KIF13A: variants seen among roughly 807,000 people sequenced by gnomAD.
The protein encoded by KIF13A is kinesin family member 13A.
A neutral mutation model predicts 212.2 loss-of-function variants in KIF13A; 79 were observed. The observed-to-expected ratio is 0.37, with a 90% CI of 0.31 to 0.45. The LOEUF is 0.45. Among genes scored for constraint, KIF13A ranks in the 20% least tolerant of loss-of-function variants. The pLI is 1.00. For synonymous variants in KIF13A, 789 were observed against 808.6 expected (o/e 0.98, Z 0.41); for missense variants, 1,901 against 2,209.0 (o/e 0.86, Z 2.79).
Position 17,779,631 on chromosome 6 carries a change from G to A in KIF13A, c.3900C>T (p.Ser1300=), listed in dbSNP as rs765286711. Reference sequence around the variant, plus strand: ...ATACTATTTCATAGGTTACACCACAGGAATAAAATATATTTTTCAGGGATA... The same window carrying A: ...ATACTATTTCATAGGTTACACCACAAGAATAAAATATATTTTTCAGGGATA... The part of the protein sequence containing the change: ...RRISLKNIFY[S]CGVTYEIVSN... Residue 1300 remains serine, a synonymous_variant, in exon 32 of 39, where the codon TCC becomes TCT. Coordinates refer to ENST00000259711, the MANE Select transcript of KIF13A (RefSeq NM_022113.6). The A allele has an allele frequency of 5.9e-6, 9 of 1,518,332 alleles. No homozygotes were observed. In the South Asian group the frequency reaches 6.9e-5, roughly 12 times the overall value. The allele number at this position is 1,518,332 out of a possible 1,614,324, so 94.1% of individuals were successfully genotyped here.
chr6:17,851,045 G>GAGC (rs1361175156), intron 7 of KIF13A, among the ~76,000 whole-genome samples: 1 of 152,176 alleles, frequency 6.6e-6, no homozygotes. Flanking sequence ...GATGCAAATA[G>GAGC]AGCACCCTGG....
In KIF13A at chr6:17,837,239, C is replaced by T. The variant is rs1466142173; in HGVS notation, c.943-149G>A. 2 of 775,190 alleles carry T rather than the reference C, an allele frequency of 2.6e-6. No homozygotes were observed. Among genetic ancestry groups the T allele is most frequent in the Non-Finnish European group, 4.2e-6 (2 of 474,442 alleles). The allele number at this position is 775,190 out of a possible 1,614,324, so 48.0% of individuals were successfully genotyped here. On this transcript the variant is annotated intron_variant, in intron 10 of 38. Coordinates refer to ENST00000259711, the MANE Select transcript of KIF13A (RefSeq NM_022113.6). This position sits in a 1 kb window ranked among gnomAD's most constrained non-coding sequence, Gnocchi z 5.4. ...TTGCATTTCACAAATAACGTCATGACAAGATGAAATGTGTCCTCTCTATAT... is the reference window on the plus strand; with the variant it reads ...TTGCATTTCACAAATAACGTCATGATAAGATGAAATGTGTCCTCTCTATAT...
chr6:17,861,009 G>A (rs555772971), intron 4 of KIF13A, among the ~76,000 whole-genome samples: 2 of 152,134 alleles, frequency 1.3e-5, no homozygotes, highest in Admixed American at 6.5e-5. Context: ...ATAAAAACTA[G>A]TCTCTCTGAT....
chr6:17,985,642 GGGGGA>G (rs1781492421), intron 2 of KIF13A, among the ~76,000 whole-genome samples: 1 of 96,174 alleles, frequency 1.0e-5, no homozygotes, highest in African/African-American at 4.5e-5. Flanking sequence ...CGGGGGGGTG[GGGGGA>G]GGGGACATTC....
chr6:17,797,552 A>C (rs1762151218), intron 22 of KIF13A, among the ~76,000 whole-genome samples: 1 of 152,148 alleles, frequency 6.6e-6, no homozygotes, highest in African/African-American at 2.4e-5. Flanking sequence ...GGTTATCTTC[A>C]TGACTTTATG....
chr6:17,788,667 A>C (rs1374960658), intron 26 of KIF13A, among the ~76,000 whole-genome samples: 1 of 152,192 alleles, frequency 6.6e-6, no homozygotes, highest in Non-Finnish European at 1.5e-5. Context: ...TTTAAGACTT[A>C]AGACGTTACA....
rs1273078533 is a variant in KIF13A, at chr6:17,837,388, G to A, written c.942+84C>T. ...CATCAGGAGAGTTCTTTAGGTATTT[G>A]GTTAGCTTTGTACACACCTTTACTC... On this transcript the variant is annotated intron_variant, in intron 10 of 38. Transcript: ENST00000259711. The surrounding 1 kb of genome is among the most constrained non-coding windows in gnomAD (Gnocchi z 5.4). The A allele has an allele frequency of 3.4e-6, 3 of 876,584 alleles. No homozygotes were observed. Among genetic ancestry groups the A allele is most frequent in the Admixed American group, 2.4e-5 (1 of 41,224 alleles). 54.3% of individuals were successfully genotyped at this position (876,584 alleles called of 1,614,324 possible).
chr6:17,984,585 GTTTTT>G lies in KIF13A; in HGVS notation c.146+2464_146+2468del. 1 of 828,160 alleles carries G rather than the reference GTTTTT, an allele frequency of 1.2e-6. No individual in the cohort carries two copies. Among genetic ancestry groups the G allele is most frequent in the Non-Finnish European group, 1.4e-6 (1 of 694,158 alleles). The allele number at this position is 828,160 out of a possible 1,614,324, so 51.3% of individuals were successfully genotyped here. A position where few individuals can be genotyped will look rare whatever the true frequency, so the allele number is the denominator to read the frequency against. ...GAAACAATGAAAGCTGACCCCATCT[GTTTTT>G]TTTTTTTTTCCCTGGACGTCAATGC... On this transcript the variant is annotated intron_variant, in intron 2 of 38. Transcript: ENST00000259711. This position sits in a 1 kb window ranked among gnomAD's most constrained non-coding sequence, Gnocchi z 5.0.
chr6:17,809,739 GTCACTCCA>G lies in KIF13A; in HGVS notation c.2001-817_2001-810del, dbSNP rs1763270418. 6.6e-6 allele frequency among the ~76,000 whole-genome samples: 1 copy of G among 152,128 alleles called. No individual in the cohort carries two copies. The highest frequency in any genetic ancestry group is 2.4e-5 in the African/African-American group (1 of 41,414). ...TTCACATTTGAATCTGGGTTCTAAA[GTCACTCCA>G]TCTAGCAATTGCTCTGTGTCATATA... On this transcript the variant is annotated intron_variant, in intron 17 of 38. Transcript: ENST00000259711. This position sits in a 1 kb window ranked among gnomAD's most constrained non-coding sequence, Gnocchi z 4.7.
chr6:17,891,756 CTG>C (rs1772081004), intron 3 of KIF13A, among the ~76,000 whole-genome samples: 1 of 152,202 alleles, frequency 6.6e-6, no homozygotes, highest in African/African-American at 2.4e-5. Context: ...CGGTGAGACC[CTG>C]TCTCTTAAAA....
chr6:17,976,801 CA>C (rs998413837), intron 2 of KIF13A, among the ~76,000 whole-genome samples: 2,025 of 98,708 alleles, frequency 0.021, 39 homozygotes, highest in African/African-American at 0.058. Context: ...GACTCCATCT[CA>C]AAAAAAAAAA....
chr6:17,864,149 G>C (rs971486659), intron 4 of KIF13A, among the ~76,000 whole-genome samples: 33 of 152,300 alleles, frequency 2.2e-4, no homozygotes, highest in Admixed American at 1.7e-3. Context: ...AATCCGAGCA[G>C]AGCCATAACA....
chr6:17,889,477 G>GT (rs550956545), intron 3 of KIF13A, among the ~76,000 whole-genome samples: 76 of 152,266 alleles, frequency 5.0e-4, no homozygotes, highest in Middle Eastern at 3.4e-3. Flanking sequence ...CAAAACAATT[G>GT]TGAGTTTAAA....
At position 17,828,747 on chromosome 6, in the gene KIF13A, T is replaced by C. The variant is rs1047450157; in HGVS notation, c.1402-377A>G. Among the ~76,000 whole-genome samples the C allele has an allele frequency of 1.3e-5, 2 of 152,190 alleles. No homozygotes were observed. The highest frequency in any genetic ancestry group is 2.9e-5 in the Non-Finnish European group (2 of 68,026). ...AGAATAATATTATCTATTTCACCTA[T>C]TTAGATTTCTTTTAGGATCATCTGA... On this transcript the variant is annotated intron_variant, in intron 13 of 38. Transcript: ENST00000259711. The surrounding 1 kb of genome is among the most constrained non-coding windows in gnomAD (Gnocchi z 4.3).
chr6:17,801,920 G>A (rs774323854), intron 20 of KIF13A, among the ~76,000 whole-genome samples: 8 of 152,198 alleles, frequency 5.3e-5, no homozygotes, highest in Admixed American at 3.3e-4. Flanking sequence ...ATAGGAGCCA[G>A]TTTAACCGTG....
rs932282627 is a variant in KIF13A, at chr6:17,982,909, G to A, written c.146+4145C>T. The stretch of plus-strand genomic sequence containing the variant: ...AAGGGGGCCAGGCGTGGTGGCTCAC[G>A]CCTGTAATCCCAGCACTTTGGGAGG... On this transcript the variant is annotated intron_variant, in intron 2 of 38. Coordinates refer to ENST00000259711, the MANE Select transcript of KIF13A (RefSeq NM_022113.6). This position sits in a 1 kb window ranked among gnomAD's most constrained non-coding sequence, Gnocchi z 5.1. 2.6e-5 allele frequency among the ~76,000 whole-genome samples: 4 copies of A among 152,106 alleles called. No homozygotes were observed. Among genetic ancestry groups the A allele is most frequent in the South Asian group, 2.1e-4 (1 of 4,836 alleles).
In KIF13A at chr6:17,773,642, C is replaced by A. The variant is rs1259289466; in HGVS notation, c.4219-59G>T. 13 of 959,426 alleles carry A rather than the reference C, an allele frequency of 1.4e-5. No homozygotes were observed. Among genetic ancestry groups the A allele is most frequent in the East Asian group, 2.5e-5 (1 of 40,218 alleles). 59.4% of individuals were successfully genotyped at this position (959,426 alleles called of 1,614,324 possible). A position where few individuals can be genotyped will look rare whatever the true frequency, so the allele number is the denominator to read the frequency against. On this transcript the variant is annotated intron_variant, in intron 35 of 38. Transcript: ENST00000259711. The surrounding 1 kb of genome is among the most constrained non-coding windows in gnomAD (Gnocchi z 4.2). ...AATCACTCCAAAATAAGAAATAAAGCCCAGGTTGGAGTTTCTTCTGTTTTT... is the reference window on the plus strand; with the variant it reads ...AATCACTCCAAAATAAGAAATAAAGACCAGGTTGGAGTTTCTTCTGTTTTT...
At chr6:17,965,835 A>G (rs890517614) in intron 2 of KIF13A, among the ~76,000 whole-genome samples, 5 of 152,252 alleles carry the variant, frequency 3.3e-5, no homozygotes, top group Non-Finnish European at 7.3e-5. Context: ...AAAAAGACGT[A>G]CAATCTTTAT....
intron 2 of KIF13A, among the ~76,000 whole-genome samples, chr6:17,974,662 TA>T (rs34140477): frequency 0.4 from 60,423 of 151,662 alleles, 12,892 homozygotes; most frequent in African/African-American, 0.54. Flanking sequence ...GAAGCTTTTT[TA>T]AAAAAAATCC....
Sources: allele counts gnomAD v4.1 joint callset (sites outside exome capture counted in the v4.1 genomes callset), GRCh38; gene constraint gnomAD v4.1.1; non-coding constraint Gnocchi (gnomAD v3.1); transcripts MANE v1.5; gene names NCBI Gene and HGNC (gene_info 2026-07-23, HGNC 2026-07-21).